FARP2: variants seen among roughly 807,000 people sequenced by gnomAD.
FARP2 encodes FERM, ARH/RhoGEF and pleckstrin domain protein 2.
Under a neutral mutation model 130.5 loss-of-function variants are expected in FARP2, and 111 were observed. The observed-to-expected ratio is 0.85, with a 90% CI of 0.73 to 1.00. The LOEUF is 1.00. Among genes scored for constraint, FARP2 ranks in the 50% least tolerant of loss-of-function variants. The pLI is 0.00. For synonymous variants in FARP2, 504 were observed against 516.9 expected (o/e 0.98, Z 0.34); for missense variants, 1,385 against 1,346.3 (o/e 1.03, Z -0.45).
At chr2:241,392,621 A>G (rs181467507) in intron 2 of FARP2, among the ~76,000 whole-genome samples, 627 of 152,222 alleles carry the variant, frequency 4.1e-3, no homozygotes, top group Non-Finnish European at 6.3e-3. Context: ...TTGTCCCTCT[A>G]TGATACAGAA....
At chr2:241,406,055 G>A (rs1243598622) in intron 4 of FARP2, among the ~76,000 whole-genome samples, 1 of 152,036 alleles carries the variant, frequency 6.6e-6, no homozygotes, top group Admixed American at 6.6e-5. Context: ...TGTAATCCCA[G>A]CACTTTGGGA....
chr2:241,458,919 C>T (rs998742390), intron 14 of FARP2, among the ~76,000 whole-genome samples: 10 of 152,334 alleles, frequency 6.6e-5, no homozygotes, highest in East Asian at 1.9e-4. Flanking sequence ...GGGTCCTCAC[C>T]GAGCCATGCC....
intron 11 of FARP2, among the ~76,000 whole-genome samples, chr2:241,435,558 C>G (rs1315271479): frequency 6.8e-6 from 1 of 146,714 alleles, no homozygotes; most frequent in Non-Finnish European, 1.5e-5. Flanking sequence ...GTCGCCCAAG[C>G]TGGAGTGCAG....
At chr2:241,427,923 C>T (rs954548929) in intron 8 of FARP2, among the ~76,000 whole-genome samples, 4 of 152,052 alleles carry the variant, frequency 2.6e-5, no homozygotes, top group African/African-American at 7.2e-5. Flanking sequence ...CCTGCCACCA[C>T]GTCTGGCTAA....
intron 10 of FARP2, 128 bp downstream of exon 10, chr2:241,434,449 G>A: frequency 1.5e-6 from 1 of 666,640 alleles, no homozygotes; most frequent in Admixed American, 3.7e-5. Context: ...TGGAGGTATT[G>A]TGAAAGAATA....
chr2:241,380,013 G>A (rs1351960409), intron 2 of FARP2, among the ~76,000 whole-genome samples: 1 of 152,098 alleles, frequency 6.6e-6, no homozygotes, highest in African/African-American at 2.4e-5. Context: ...CCCCCACCAA[G>A]CCCTAACACA....
chr2:241,378,398 A>G (rs1396519146), intron 2 of FARP2, among the ~76,000 whole-genome samples: 2 of 137,948 alleles, frequency 1.4e-5, no homozygotes, highest in Non-Finnish European at 3.1e-5. Flanking sequence ...TACAGGTGCC[A>G]GCCACCATGC....
intron 14 of FARP2, among the ~76,000 whole-genome samples, chr2:241,457,940 T>C (rs879412027): frequency 2.0e-5 from 3 of 152,124 alleles, no homozygotes; most frequent in Non-Finnish European, 4.4e-5. Flanking sequence ...GGTGAGGCTT[T>C]ATGACAAAGT....
At chr2:241,467,760 A>C (rs2064210336) in intron 17 of FARP2, among the ~76,000 whole-genome samples, 2 of 152,042 alleles carry the variant, frequency 1.3e-5, no homozygotes, top group Admixed American at 1.3e-4. Context: ...ACTGGGCAGG[A>C]CTCGGGTGGG....
intron 4 of FARP2, among the ~76,000 whole-genome samples, chr2:241,406,426 G>T (rs147947195): frequency 0.12 from 17,974 of 151,816 alleles, 1,293 homozygotes; most frequent in East Asian, 0.37. Flanking sequence ...TATATAGAGA[G>T]AGAGAGAGAG....
chr2:241,472,349 G>A (rs1468736963), intron 18 of FARP2, among the ~76,000 whole-genome samples: 1 of 151,436 alleles, frequency 6.6e-6, no homozygotes, highest in Non-Finnish European at 1.5e-5. Context: ...ACCCTGTTCT[G>A]TGGGGATTCT....
chr2:241,406,452 T>G (rs910608898), intron 4 of FARP2, among the ~76,000 whole-genome samples: 1 of 151,860 alleles, frequency 6.6e-6, no homozygotes, highest in East Asian at 1.9e-4. Context: ...GCGCATGTTT[T>G]TGTGTGTGGA....
intron 2 of FARP2, among the ~76,000 whole-genome samples, chr2:241,385,187 A>G (rs1298176189): frequency 6.6e-6 from 1 of 152,200 alleles, no homozygotes; most frequent in East Asian, 1.9e-4. Flanking sequence ...TGAGAACACT[A>G]GAGGAGGGCA....
chr2:241,433,891 T>A (rs1409700991), intron 9 of FARP2, among the ~76,000 whole-genome samples: 1 of 151,938 alleles, frequency 6.6e-6, no homozygotes, highest in Non-Finnish European at 1.5e-5. Flanking sequence ...CTGGGCTTGG[T>A]GTTGTGAGCC....
chr2:241,494,121 A>G lies in FARP2; in HGVS notation c.3161A>G (p.Glu1054Gly). 1 of 1,475,554 alleles carries G rather than the reference A, an allele frequency of 6.8e-7. No homozygotes were observed. Among genetic ancestry groups the G allele is most frequent in the South Asian group, 1.5e-5 (1 of 66,368 alleles). 91.4% of individuals were successfully genotyped at this position (1,475,554 alleles called of 1,614,324 possible). ...GLEGMVRGKEE is the reference protein window; with the variant it reads ...GLEGMVRGKEG ...GAGGGGATGGTCAGGGGGAAGGAGG[A>G]ATGACGCTCAACCTGCCCAGGTTTG... Residue 1054 changes from glutamate to glycine, a missense_variant, in exon 27 of 27, where the codon GAA (glutamate) becomes GGA (glycine). Transcript: ENST00000264042. This position sits in a 1 kb window ranked among gnomAD's most constrained non-coding sequence, Gnocchi z 4.9.
chr2:241,363,442 T>A (rs888675507), intron 1 of FARP2, among the ~76,000 whole-genome samples: 1 of 152,172 alleles, frequency 6.6e-6, no homozygotes, highest in African/African-American at 2.4e-5. Context: ...AGGTTTCTGG[T>A]TGGAGTCTGA....
intron 21 of FARP2, among the ~76,000 whole-genome samples, chr2:241,487,400 G>A (rs1158668392): frequency 6.6e-6 from 1 of 152,140 alleles, no homozygotes; most frequent in East Asian, 1.9e-4. Flanking sequence ...GGGCACGGTG[G>A]CTCACGTCTG....
intron 4 of FARP2, among the ~76,000 whole-genome samples, chr2:241,407,022 A>C (rs958161765): frequency 6.6e-6 from 1 of 151,270 alleles, no homozygotes; most frequent in African/African-American, 2.4e-5. Flanking sequence ...GTTGGCCAGG[A>C]TGGTCTCGAT....
intron 8 of FARP2, among the ~76,000 whole-genome samples, chr2:241,418,482 T>G (rs79320893): frequency 6.8e-6 from 1 of 146,778 alleles, no homozygotes; most frequent in African/African-American, 2.5e-5. Context: ...CTGTTTTTTT[T>G]CCAGTGGAGC....
Sources: allele counts gnomAD v4.1 joint callset (sites outside exome capture counted in the v4.1 genomes callset), GRCh38; gene constraint gnomAD v4.1.1; non-coding constraint Gnocchi (gnomAD v3.1); transcripts MANE v1.5; gene names NCBI Gene and HGNC (gene_info 2026-07-23, HGNC 2026-07-21).